The following PIK3CA variants were observed in gnomAD, a reference collection of about 807,000 sequenced individuals.
PIK3CA encodes the protein phosphatidylinositol-4,5-bisphosphate 3-kinase catalytic subunit alpha.
PIK3CA carries 27 observed loss-of-function variants against 138.2 expected under a neutral mutation model. That is an observed-to-expected ratio of 0.20 (90% CI 0.14 to 0.27). PIK3CA has a LOEUF of 0.27. Ranked by LOEUF, PIK3CA falls within the 10% of genes least tolerant of loss-of-function variation. The probability of loss-of-function intolerance (pLI) is 1.00; values close to 1 mark genes in which losing one functional copy is unlikely to be tolerated. For synonymous variants in PIK3CA, 358 were observed against 413.2 expected (o/e 0.87, Z 1.62); for missense variants, 544 against 1,277.4 (o/e 0.43, Z 8.75).
At chr3:179,226,127 T>C (rs908019543) in intron 17 of PIK3CA, 87 bp downstream of exon 17, 8 of 705,396 alleles carry the variant, frequency 1.1e-5, no homozygotes, top group Non-Finnish European at 2.0e-5. Flanking sequence ...TAGAGGCATA[T>C]GTCTAAAAAG....
chr3:179,172,254 ATGTC>A (rs1400996393), intron 1 of PIK3CA, among the ~76,000 whole-genome samples: 4 of 152,102 alleles, frequency 2.6e-5, no homozygotes, highest in Admixed American at 2.6e-4. Context: ...CTGATAAAGA[ATGTC>A]TGTGAAAAAA....
At chr3:179,209,805 A>G in intron 7 of PIK3CA, 105 bp downstream of exon 7, 1 of 534,606 alleles carries the variant, frequency 1.9e-6, no homozygotes, top group Non-Finnish European at 3.2e-6. Flanking sequence ...ATTTAAGAAA[A>G]TAATAATAAA....
chr3:179,149,499 A>G (rs1722953959), intron 1 of PIK3CA: 1 of 152,222 alleles, frequency 6.6e-6, no homozygotes, highest in Admixed American at 6.5e-5. Context: ...GAGACTGTTT[A>G]CATGGTTAAA....
intron 1 of PIK3CA, among the ~76,000 whole-genome samples, chr3:179,190,540 A>G (rs1022037889): frequency 6.6e-6 from 1 of 152,178 alleles, no homozygotes; most frequent in African/African-American, 2.4e-5. Context: ...GATTTGAATC[A>G]TGTTGTTTCT....
At chr3:179,187,831 G>GT (rs199669746) in intron 1 of PIK3CA, among the ~76,000 whole-genome samples, 5,627 of 151,922 alleles carry the variant, frequency 0.037, 114 homozygotes, top group Admixed American at 0.041. Context: ...TAGAGATGGG[G>GT]TTTCACCATG....
At chr3:179,184,491 C>G (rs1451191453) in intron 1 of PIK3CA, among the ~76,000 whole-genome samples, 3 of 152,178 alleles carry the variant, frequency 2.0e-5, no homozygotes, top group Non-Finnish European at 4.4e-5. Flanking sequence ...TCTCTCCCCT[C>G]CAGATCACTT....
rs139389029 is a variant in PIK3CA, at chr3:179,235,490, A to G, written c.*1126A>G. 256 of 190,970 alleles carry G rather than the reference A, an allele frequency of 1.3e-3. 1 individual carries two copies. The highest frequency in any genetic ancestry group is 5.7e-3 in the African/African-American group (244 of 43,156). The allele number at this position is 190,970 out of a possible 1,614,324, so 11.8% of individuals were successfully genotyped here. A position where few individuals can be genotyped will look rare whatever the true frequency, so the allele number is the denominator to read the frequency against. Reference sequence around the variant, plus strand: ...TTATACCAATAACCAGTGTATAACTACTTAAGGAAAACATAAAAACTTCAT... The same window carrying G: ...TTATACCAATAACCAGTGTATAACTGCTTAAGGAAAACATAAAAACTTCAT... On this transcript the variant is annotated 3_prime_UTR_variant, in exon 21 of 21. Coordinates refer to ENST00000263967, the MANE Select transcript of PIK3CA (RefSeq NM_006218.4).
intron 1 of PIK3CA, among the ~76,000 whole-genome samples, chr3:179,176,757 A>G (rs533712219): frequency 6.6e-6 from 1 of 152,290 alleles, no homozygotes; most frequent in East Asian, 1.9e-4. Context: ...TTTTGCTTTC[A>G]TGAATATTGT....
chr3:179,166,483 A>C (rs777400991), intron 1 of PIK3CA, among the ~76,000 whole-genome samples: 1 of 152,198 alleles, frequency 6.6e-6, no homozygotes, highest in Admixed American at 6.5e-5. Context: ...AAATAAAATA[A>C]TGCCTATTCC....
intron 1 of PIK3CA, among the ~76,000 whole-genome samples, chr3:179,184,924 A>G (rs549827110): frequency 2.0e-5 from 3 of 152,368 alleles, no homozygotes; most frequent in African/African-American, 7.2e-5. Context: ...TCTAAATACT[A>G]AAGAGTATCA....
rs796726375 is a variant in PIK3CA, at chr3:179,208,453, A to T, written c.1146-1142A>T. 2.0e-5 allele frequency among the ~76,000 whole-genome samples: 3 copies of T among 152,170 alleles called. No homozygotes were observed. The South Asian group carries it at 6.2e-4, about 31-fold the overall frequency. ...ATTTTATGAGATAGTTATCAACCTTATGAGGGTAGGTACTATTATTAGTCC... is the reference window on the plus strand; with the variant it reads ...ATTTTATGAGATAGTTATCAACCTTTTGAGGGTAGGTACTATTATTAGTCC... On this transcript the variant is annotated intron_variant, in intron 6 of 20. Coordinates refer to ENST00000263967, the MANE Select transcript of PIK3CA (RefSeq NM_006218.4).
upstream of PIK3CA, chr3:179,148,223 A>T (rs1277804346): frequency 1.3e-5 from 2 of 149,578 alleles, no homozygotes; most frequent in Non-Finnish European, 3.0e-5. Context: ...ACACGATGTG[A>T]GCGGAAAAAG....
At position 179,239,591 on chromosome 3, in the gene PIK3CA, T is replaced by C; in HGVS notation, c.*5227T>C. 1 of 230,646 alleles carries C rather than the reference T, an allele frequency of 4.3e-6. No individual in the cohort carries two copies. Among genetic ancestry groups the C allele is most frequent in the East Asian group, 6.4e-5 (1 of 15,738 alleles). 14.3% of individuals were successfully genotyped at this position (230,646 alleles called of 1,614,324 possible). On this transcript the variant is annotated 3_prime_UTR_variant, in exon 21 of 21. Coordinates refer to ENST00000263967, the MANE Select transcript of PIK3CA (RefSeq NM_006218.4). ...TAATGGTTTCAGTGTGATTCAGTCC[T>C]CAGACCTAATTGGGTTGAATAAAAT...
intron 1 of PIK3CA, among the ~76,000 whole-genome samples, chr3:179,160,667 T>C (rs1723254012): frequency 6.6e-6 from 1 of 152,258 alleles, no homozygotes; most frequent in African/African-American, 2.4e-5. Context: ...ATGTATATTT[T>C]ATATATTGTG....
At chr3:179,204,476 T>G (rs201374205) in intron 5 of PIK3CA, 27 bp from the exon 6 acceptor site, 1 of 1,056,002 alleles carries the variant, frequency 9.5e-7, no homozygotes, top group Non-Finnish European at 1.5e-6. Context: ...GTGTATACAT[T>G]AGTATATACC....
At chr3:179,217,258 T>A (rs1198002878) in intron 9 of PIK3CA, among the ~76,000 whole-genome samples, 1 of 152,186 alleles carries the variant, frequency 6.6e-6, no homozygotes, top group Non-Finnish European at 1.5e-5. Context: ...CATTCTCTGT[T>A]ACATCATCCA....
intron 7 of PIK3CA, among the ~76,000 whole-genome samples, chr3:179,209,961 C>T (rs1724666199): frequency 6.6e-6 from 1 of 151,934 alleles, no homozygotes; most frequent in Non-Finnish European, 1.5e-5. Context: ...ATGCAAATAT[C>T]TCATGCTTGC....
intron 14 of PIK3CA, among the ~76,000 whole-genome samples, chr3:179,222,149 G>A (rs539284215): frequency 1.3e-5 from 2 of 151,656 alleles, no homozygotes; most frequent in South Asian, 2.1e-4. Flanking sequence ...AAGAAAAATC[G>A]TATATTAGTG....
chr3:179,167,981 T>A (rs747992904), intron 1 of PIK3CA, among the ~76,000 whole-genome samples: 2 of 152,160 alleles, frequency 1.3e-5, no homozygotes, highest in African/African-American at 2.4e-5. Flanking sequence ...TGTTGTATTG[T>A]TTTTCCTGAA....
Sources: gnomAD v4.1 joint callset for allele counts (sites outside exome capture counted in the v4.1 genomes callset) on GRCh38, gnomAD v4.1.1 for gene constraint, MANE v1.5 for transcripts, NCBI Gene and HGNC (gene_info 2026-07-23, HGNC 2026-07-21) for gene names.